Variants in INTS4 observed in about 807,000 individuals in gnomAD.
INTS4 encodes integrator complex subunit 4, also known as MSTP093.
INTS4 carries 70 observed loss-of-function variants against 119.5 expected under a neutral mutation model. That is an observed-to-expected ratio of 0.59 (90% CI 0.48 to 0.71). The LOEUF (loss-of-function observed/expected upper bound fraction) is 0.71, where lower values mean the gene tolerates loss of function less well. Ranked by LOEUF, INTS4 falls within the 30% of genes least tolerant of loss-of-function variation. INTS4 has a pLI of 0.00. For missense variants in INTS4, 867 were observed against 1,173.2 expected, an observed-to-expected ratio of 0.74 and a Z score of 3.81; for synonymous variants, 316 against 419.6, an observed-to-expected ratio of 0.75 and a Z score of 3.02.
chr11:77,982,617 G>C (rs1193944289), intron 2 of INTS4, among the ~76,000 whole-genome samples: 1 of 152,086 alleles, frequency 6.6e-6, no homozygotes, highest in East Asian at 1.9e-4. Flanking sequence ...AATTCCTGTG[G>C]TGAGAAATTT....
intron 12 of INTS4, 36 bp from the exon 13 acceptor site, chr11:77,922,507 T>C (rs989192542): frequency 2.2e-6 from 2 of 893,920 alleles, no homozygotes; most frequent in Non-Finnish European, 3.4e-6. Flanking sequence ...ATCAACAAAT[T>C]AGTAAAGTTA....
chr11:77,956,710 A>AAATAAT (rs199933134), intron 7 of INTS4, among the ~76,000 whole-genome samples: 38 of 97,706 alleles, frequency 3.9e-4, no homozygotes, highest in South Asian at 6.1e-4. Flanking sequence ...CCATCTCAAA[A>AAATAAT]AATAATAATA....
downstream of INTS4, among the ~76,000 whole-genome samples, chr11:77,878,236 C>T (rs1249491445): frequency 6.6e-6 from 1 of 152,036 alleles, no homozygotes; most frequent in Non-Finnish European, 1.5e-5. Flanking sequence ...GTGACAGGCG[C>T]CTGTAGTCCC....
rs1247359792 is a variant in INTS4, at chr11:77,907,797, G to A, written c.1936C>T (p.Leu646Phe). 1 of 1,611,752 alleles carries A rather than the reference G, an allele frequency of 6.2e-7. No individual in the cohort carries two copies. The highest frequency in any genetic ancestry group is 2.2e-5 in the East Asian group (1 of 44,836). The change falls in exon 16 of 23, where the codon CTT (leucine) becomes TTT (phenylalanine). Residue 646 changes from leucine to phenylalanine, a missense_variant. Leu to Phe is a conservative substitution (Grantham distance 22). Coordinates refer to ENST00000534064, the MANE Select transcript of INTS4 (RefSeq NM_033547.4). ...LEFTIRDLQR[L>F]GELQSELAGV... ...GCCAATTCAGATTGAAGTTCTCCAA[G>A]TCTTTGCAGATCCCTATAGTAAATA...
At chr11:77,917,442 T>C (rs990202668) in intron 15 of INTS4, among the ~76,000 whole-genome samples, 1 of 151,612 alleles carries the variant, frequency 6.6e-6, no homozygotes, top group Non-Finnish European at 1.5e-5. Flanking sequence ...ATCTCCCAAG[T>C]AGCTGGGATT....
chr11:77,952,937 A>T (rs576205279), intron 8 of INTS4, among the ~76,000 whole-genome samples: 6 of 152,326 alleles, frequency 3.9e-5, no homozygotes, highest in Non-Finnish European at 7.4e-5. Context: ...TAAATGCCGA[A>T]TGAAAGGATC....
chr11:77,983,157 G>A (rs891910626), intron 2 of INTS4, among the ~76,000 whole-genome samples: 1 of 152,184 alleles, frequency 6.6e-6, no homozygotes, highest in African/African-American at 2.4e-5. Context: ...ACCTCAGAGG[G>A]CTACTGAGAG....
chr11:77,917,026 A>G (rs551392736), intron 15 of INTS4, among the ~76,000 whole-genome samples: 1 of 152,364 alleles, frequency 6.6e-6, no homozygotes, highest in South Asian at 2.1e-4. Flanking sequence ...GGCTGGCTTT[A>G]TAACATGTTA....
At chr11:77,992,171 G>T (rs1315670257) in intron 1 of INTS4, among the ~76,000 whole-genome samples, 1 of 152,072 alleles carries the variant, frequency 6.6e-6, no homozygotes, top group Non-Finnish European at 1.5e-5. Flanking sequence ...GCTTAGGCAG[G>T]CGGATCACTT....
At chr11:77,959,693 T>G (rs571101710) in intron 6 of INTS4, among the ~76,000 whole-genome samples, 1 of 152,272 alleles carries the variant, frequency 6.6e-6, no homozygotes, top group African/African-American at 2.4e-5. Flanking sequence ...TAAACTTGGT[T>G]TACACATCTG....
At chr11:77,889,917 G>A (rs546177029) in intron 21 of INTS4, among the ~76,000 whole-genome samples, 1 of 152,120 alleles carries the variant, frequency 6.6e-6, no homozygotes, top group South Asian at 2.1e-4. Flanking sequence ...TCTCCTTTAC[G>A]CTCAGGTGAT....
intron 5 of INTS4, 83 bp from the exon 6 acceptor site, chr11:77,960,474 C>G (rs1054469306): frequency 1.9e-6 from 2 of 1,067,150 alleles, no homozygotes; most frequent in Non-Finnish European, 2.9e-6. Flanking sequence ...ACATATTTTC[C>G]CCTATTGTAT....
At chr11:77,967,917 T>C (rs1855565261) in intron 4 of INTS4, among the ~76,000 whole-genome samples, 1 of 152,166 alleles carries the variant, frequency 6.6e-6, no homozygotes, top group South Asian at 2.1e-4. Context: ...AAATGCATCA[T>C]TAGGTGATTT....
intron 4 of INTS4, among the ~76,000 whole-genome samples, chr11:77,972,495 C>T (rs561048522): frequency 6.6e-6 from 1 of 152,100 alleles, no homozygotes; most frequent in African/African-American, 2.4e-5. Context: ...CAGCTCACTG[C>T]AACCTCCGCC....
intron 10 of INTS4, among the ~76,000 whole-genome samples, chr11:77,934,551 C>T (rs1016963054): frequency 2.6e-5 from 4 of 151,972 alleles, no homozygotes; most frequent in Non-Finnish European, 5.9e-5. Flanking sequence ...TTCAAAATTT[C>T]CATGACTGTT....
intron 15 of INTS4, chr11:77,918,185 A>G (rs1244926676): frequency 1.4e-6 from 1 of 689,932 alleles, no homozygotes; most frequent in Non-Finnish European, 2.6e-6. Context: ...TAATTCCAGC[A>G]CTTTGGGAGG....
At chr11:77,959,821 T>C (rs1442664495) in intron 6 of INTS4, among the ~76,000 whole-genome samples, 5 of 152,170 alleles carry the variant, frequency 3.3e-5, no homozygotes, top group Admixed American at 6.6e-5. Flanking sequence ...CAGTCAATTA[T>C]CCTCCAAGAG....
In INTS4 at chr11:77,938,757, C is replaced by T. The variant is rs569921753; in HGVS notation, c.1059G>A (p.Lys353=). The T allele has an allele frequency of 6.2e-7, 1 of 1,612,074 alleles. No individual in the cohort carries two copies. The highest frequency in any genetic ancestry group is 1.1e-5 in the South Asian group (1 of 90,994). ...CTTCCTTGGGAGCATCATCTCCCCA[C>T]TTTCTGCCACTGGAAAACTCCCCCG... ...YSSGEFSSGR[K]WGDDAPKEEV... The change falls in exon 10 of 23, where the codon AAG becomes AAA. Residue 353 remains lysine, a synonymous_variant. Coordinates refer to ENST00000534064, the MANE Select transcript of INTS4 (RefSeq NM_033547.4).
intron 7 of INTS4, among the ~76,000 whole-genome samples, chr11:77,956,718 ATAATAATAATAAT>A (rs1954334540): frequency 1.2e-5 from 1 of 84,952 alleles, no homozygotes; most frequent in African/African-American, 4.5e-5. Context: ...AAAAATAATA[ATAATAATAATAAT>A]AATAATAATA....
Sources: gnomAD v4.1 joint callset for allele counts (sites outside exome capture counted in the v4.1 genomes callset) on GRCh38, gnomAD v4.1.1 for gene constraint, MANE v1.5 for transcripts, NCBI Gene and HGNC (gene_info 2026-07-23, HGNC 2026-07-21) for gene names.